The following SEMA6D variants were observed in gnomAD, a reference collection of about 807,000 sequenced individuals.
SEMA6D encodes the protein semaphorin 6D.
In SEMA6D, 35 loss-of-function variants were observed where a neutral mutation model predicts 106.6. That is an observed-to-expected ratio of 0.33 (90% CI 0.25 to 0.44). The LOEUF is 0.44. SEMA6D is among the 20% of genes least tolerant of loss of function. The pLI is 1.00. For synonymous variants in SEMA6D, 499 were observed against 487.7 expected (o/e 1.02, Z -0.31); for missense variants, 1,185 against 1,345.9 (o/e 0.88, Z 1.87).
At chr15:47,604,354 G>A (rs2117799) in intron 4 of SEMA6D, among the ~76,000 whole-genome samples, 13,032 of 152,052 alleles carry the variant, frequency 0.086, 690 homozygotes, top group East Asian at 0.19. Context: ...CAATCCATCC[G>A]GTCCGATAAA....
chr15:47,560,706 GACCTAATATGA>G (rs1186888966), intron 3 of SEMA6D, among the ~76,000 whole-genome samples: 1 of 152,008 alleles, frequency 6.6e-6, no homozygotes, highest in Non-Finnish European at 1.5e-5. Context: ...CTGTAAATGT[GACCTAATATGA>G]ACATTGAGTC....
chr15:47,565,010 C>T (rs1021324064), intron 3 of SEMA6D, among the ~76,000 whole-genome samples: 10 of 152,196 alleles, frequency 6.6e-5, no homozygotes, highest in Non-Finnish European at 1.5e-4. Context: ...CTGAGAGCAA[C>T]TTTCACTGGC....
chr15:47,464,925 T>G (rs1162411239), intron 2 of SEMA6D, among the ~76,000 whole-genome samples: 2 of 152,132 alleles, frequency 1.3e-5, no homozygotes, highest in African/African-American at 4.8e-5. Context: ...ACTCTTAAGT[T>G]TCTTCTGCAA....
At chr15:47,266,351 G>A (rs1055215001) in intron 1 of SEMA6D, among the ~76,000 whole-genome samples, 3 of 151,822 alleles carry the variant, frequency 2.0e-5, no homozygotes, top group African/African-American at 4.8e-5. Flanking sequence ...TCTTCCTCTC[G>A]GGCAAAATCT....
chr15:47,548,797 A>T (rs1426346367), intron 3 of SEMA6D, among the ~76,000 whole-genome samples: 1 of 152,164 alleles, frequency 6.6e-6, no homozygotes, highest in Non-Finnish European at 1.5e-5. Context: ...TATGTGTATA[A>T]TGTTCTGAAT....
chr15:47,729,873 G>A (rs903545157), intron 1 of SEMA6D, among the ~76,000 whole-genome samples: 2 of 152,206 alleles, frequency 1.3e-5, no homozygotes, highest in African/African-American at 4.8e-5. Flanking sequence ...TGAGAGTCTG[G>A]AAGAACACAG....
At chr15:47,561,977 C>A (rs1280874278) in intron 3 of SEMA6D, among the ~76,000 whole-genome samples, 3 of 151,762 alleles carry the variant, frequency 2.0e-5, no homozygotes, top group Non-Finnish European at 4.4e-5. Flanking sequence ...TTATATAATT[C>A]AAAGGACCTA....
intron 1 of SEMA6D, among the ~76,000 whole-genome samples, chr15:47,275,886 G>C (rs145469528): frequency 6.6e-6 from 1 of 152,076 alleles, no homozygotes; most frequent in Non-Finnish European, 1.5e-5. Context: ...ATCAAGTGTC[G>C]AAAGCAAAGG....
intron 3 of SEMA6D, among the ~76,000 whole-genome samples, chr15:47,595,368 T>C (rs539511353): frequency 6.6e-6 from 1 of 152,316 alleles, no homozygotes; most frequent in African/African-American, 2.4e-5. Flanking sequence ...TAATATGATA[T>C]TTCACATCTA....
At chr15:47,761,110 A>G (rs2082040036) in intron 4 of SEMA6D, 48 bp from the exon 5 acceptor site, 3 of 1,612,176 alleles carry the variant, frequency 1.9e-6, no homozygotes, top group Admixed American at 1.7e-5. Flanking sequence ...TGCCTCCCCA[A>G]AAATGTTCGC....
intron 4 of SEMA6D, among the ~76,000 whole-genome samples, chr15:47,632,481 T>A (rs1208493433): frequency 6.7e-6 from 1 of 148,930 alleles, no homozygotes; most frequent in Non-Finnish European, 1.5e-5. Context: ...GTGTTTTATA[T>A]GTACACATTT....
intron 1 of SEMA6D, among the ~76,000 whole-genome samples, chr15:47,361,680 A>G (rs1009141639): frequency 6.6e-6 from 1 of 152,156 alleles, no homozygotes; most frequent in African/African-American, 2.4e-5. Context: ...CATTTGAGGA[A>G]CAGATGATGA....
chr15:47,535,403 G>A (rs1382064095), intron 3 of SEMA6D, among the ~76,000 whole-genome samples: 3 of 152,058 alleles, frequency 2.0e-5, no homozygotes, highest in Non-Finnish European at 4.4e-5. Flanking sequence ...GGGATATGGG[G>A]TATGCACTCA....
chr15:47,552,547 CA>C (rs1413838432), intron 3 of SEMA6D, among the ~76,000 whole-genome samples: 1 of 145,660 alleles, frequency 6.9e-6, no homozygotes, highest in East Asian at 2.1e-4. Context: ...CACACACACA[CA>C]CACACACACA....
chr15:47,223,165 T>A (rs2031359196), intron 1 of SEMA6D, among the ~76,000 whole-genome samples: 1 of 152,174 alleles, frequency 6.6e-6, no homozygotes, highest in African/African-American at 2.4e-5. Context: ...ATTTTGGTTT[T>A]CTGCAGATAT....
chr15:47,654,339 C>A (rs1761308684), intron 4 of SEMA6D, among the ~76,000 whole-genome samples: 1 of 152,134 alleles, frequency 6.6e-6, no homozygotes, highest in South Asian at 2.1e-4. Flanking sequence ...CCTATTGTGA[C>A]CAGAAGCCTT....
chr15:47,663,050 G>T (rs1170738026), intron 4 of SEMA6D, among the ~76,000 whole-genome samples: 1 of 152,188 alleles, frequency 6.6e-6, no homozygotes, highest in African/African-American at 2.4e-5. Flanking sequence ...AGGCATTGAA[G>T]ATCAGAGTAA....
At chr15:47,260,929 G>A (rs1478487095) in intron 1 of SEMA6D, among the ~76,000 whole-genome samples, 12 of 152,024 alleles carry the variant, frequency 7.9e-5, no homozygotes, top group African/African-American at 2.9e-4. Context: ...ACTGAGGGTG[G>A]GTAGGCTTTT....
At chr15:47,757,136 C>A (rs2081798294) in intron 1 of SEMA6D, among the ~76,000 whole-genome samples, 1 of 152,152 alleles carries the variant, frequency 6.6e-6, no homozygotes, top group Non-Finnish European at 1.5e-5. Flanking sequence ...AGCTGAGAGA[C>A]ACTCTTCCTG....
Sources: allele counts gnomAD v4.1 joint callset (sites outside exome capture counted in the v4.1 genomes callset), GRCh38; gene constraint gnomAD v4.1.1; transcripts MANE v1.5; gene names NCBI Gene and HGNC (gene_info 2026-07-23, HGNC 2026-07-21).